Variants in SBNO2 observed in about 807,000 individuals in gnomAD.
SBNO2 encodes the protein protein strawberry notch homolog 2.
In SBNO2, 89 loss-of-function variants were observed where a neutral mutation model predicts 146.3. That is an observed-to-expected ratio of 0.61 (90% CI 0.51 to 0.73). The LOEUF (loss-of-function observed/expected upper bound fraction) is 0.73. Among genes scored for constraint, SBNO2 ranks in the 30% least tolerant of loss-of-function variants. SBNO2 has a pLI of 0.00. For synonymous variants in SBNO2, 1,147 were observed against 892.6 expected (o/e 1.29, Z -5.08); for missense variants, 2,092 against 2,003.7 (o/e 1.04, Z -0.84).
At chr19:1,123,711 C>A in intron 6 of SBNO2, 72 bp from the exon 7 acceptor site, 1 of 1,439,896 alleles carries the variant, frequency 6.9e-7, no homozygotes, top group Non-Finnish European at 9.5e-7. Flanking sequence ...CCCCCAGGGG[C>A]AGGGGCCAGG....
intron 19 of SBNO2, 46 bp downstream of exon 19, chr19:1,113,489 T>C: frequency 7.0e-7 from 1 of 1,437,568 alleles, no homozygotes. Flanking sequence ...CCCCACCCAC[T>C]GCCCATGCCC....
intron 1 of SBNO2, among the ~76,000 whole-genome samples, chr19:1,159,879 C>T: frequency 6.6e-6 from 1 of 151,846 alleles, no homozygotes; most frequent in Admixed American, 6.6e-5. Context: ...AAGGTGCCTG[C>T]CTGAGAGGAC....
At chr19:1,155,000 C>T (rs2145317288) in intron 1 of SBNO2, 1 of 152,444 alleles carries the variant, frequency 6.6e-6, no homozygotes, top group Non-Finnish European at 1.5e-5. Context: ...CCCACACCAT[C>T]AGACGCCAGG....
chr19:1,172,537 C>A (rs922064308), intron 1 of SBNO2, among the ~76,000 whole-genome samples: 5 of 152,172 alleles, frequency 3.3e-5, no homozygotes, highest in Admixed American at 3.3e-4. Context: ...CTTCCAGGGC[C>A]GAGTCAGGGA....
rs1434285343 is a variant in SBNO2 at position 1,123,620 on chromosome 19, T to A, written c.542A>T (p.Gln181Leu). The change falls in exon 7 of 32, where the codon CAG (glutamine) becomes CTG (leucine). Residue 181 changes from glutamine (Q) to leucine (L), a missense_variant. By Grantham distance (113) the Gln-to-Leu change is moderately radical. Transcript: ENST00000361757. ...VSYQEQSVQS[Q>L]PEEEDEAEEE... ...CTCAGCCTCGTCCTCCTCCTCTGGCTGGCTCTGCACACTCTGCTCCTGCGT... is the reference window on the plus strand; with the variant it reads ...CTCAGCCTCGTCCTCCTCCTCTGGCAGGCTCTGCACACTCTGCTCCTGCGT... The A allele has an allele frequency of 6.2e-7, 1 of 1,613,026 alleles. No homozygotes were observed. Among genetic ancestry groups the A allele is most frequent in the Non-Finnish European group, 8.5e-7 (1 of 1,179,688 alleles).
intron 4 of SBNO2, among the ~76,000 whole-genome samples, chr19:1,131,427 ACCTG>A (rs2080027095): frequency 1.6e-5 from 1 of 63,372 alleles, no homozygotes; most frequent in African/African-American, 7.3e-5. Flanking sequence ...AGCTGGGAGG[ACCTG>A]GCTGGGAGGA....
At chr19:1,143,406 A>T (rs564930147) in intron 4 of SBNO2, among the ~76,000 whole-genome samples, 2 of 152,198 alleles carry the variant, frequency 1.3e-5, no homozygotes, top group Non-Finnish European at 2.9e-5. Flanking sequence ...CAGGAGGTGG[A>T]GGCTGCAGTG....
At chr19:1,169,350 C>A (rs1016122826) in intron 1 of SBNO2, among the ~76,000 whole-genome samples, 1 of 152,244 alleles carries the variant, frequency 6.6e-6, no homozygotes, top group African/African-American at 2.4e-5. Flanking sequence ...CAGGCTGAGG[C>A]CTCCGTGGGA....
At position 1,147,289 on chromosome 19, in the gene SBNO2, T is replaced by C. The variant is rs1347845750; in HGVS notation, c.279+20A>G. The stretch of plus-strand genomic sequence containing the variant: ...CTCCACCCTGCCCCCCACGGCGCGG[T>C]GAGCTCCTGGGGCTCCTACCTGAGC... On this transcript the variant is annotated intron_variant, in intron 4 of 31. Transcript: ENST00000361757. 2.4e-5 allele frequency: 37 copies of C among 1,532,884 alleles called. 1 individual carries two copies. The Admixed American group carries it at 6.5e-4, about 27-fold the overall frequency. 95.0% of individuals were successfully genotyped at this position (1,532,884 alleles called of 1,614,324 possible).
At chr19:1,166,019 T>A (rs1354046143) in intron 1 of SBNO2, among the ~76,000 whole-genome samples, 1 of 57,200 alleles carries the variant, frequency 1.7e-5, no homozygotes, top group East Asian at 4.7e-4. Context: ...ATCCCAGACC[T>A]CAGACCCCAG....
chr19:1,132,346 C>T (rs950672135), intron 4 of SBNO2: 2 of 1,248,240 alleles, frequency 1.6e-6, no homozygotes, highest in Non-Finnish European at 2.0e-6. Flanking sequence ...ATGCCGGCCC[C>T]GTAAGTCAGG....
In SBNO2 at chr19:1,109,293, C is replaced by T. The variant is rs201689400; in HGVS notation, c.3347G>A (p.Arg1116Gln). The T allele has an allele frequency of 3.8e-6, 6 of 1,593,660 alleles. No homozygotes were observed. The highest frequency in any genetic ancestry group is 2.7e-5 in the African/African-American group (2 of 74,640). The change falls in exon 29 of 32, where the codon CGG becomes CAG. Residue 1116 changes from arginine (R) to glutamine (Q), a missense_variant and splice_region_variant. Transcript: ENST00000361757. The surrounding 1 kb of genome is among the most constrained non-coding windows in gnomAD (Gnocchi z 4.2). Reference sequence around the variant, plus strand: ...AAGCTGCGCCCGGCGGCCGCCTACCCGGTGGAACTTGCGGCGGAGGCTGTC... The same window carrying T: ...AAGCTGCGCCCGGCGGCCGCCTACCTGGTGGAACTTGCGGCGGAGGCTGTC... ...ALDSLRRKFH[R>Q]VTAEEAKEPW...
At chr19:1,127,089 GA>G (rs2079974175) in intron 5 of SBNO2, among the ~76,000 whole-genome samples, 1 of 149,144 alleles carries the variant, frequency 6.7e-6, no homozygotes, top group South Asian at 2.1e-4. Context: ...CACTAGCGGG[GA>G]CACGGCCACT....
chr19:1,132,912 C>T (rs1446014773), intron 4 of SBNO2, among the ~76,000 whole-genome samples: 3 of 151,998 alleles, frequency 2.0e-5, no homozygotes, highest in African/African-American at 7.2e-5. Flanking sequence ...GGGAAAAGAA[C>T]GTTCTCGCTT....
chr19:1,114,154 C>G, intron 18 of SBNO2, 77 bp downstream of exon 18: 1 of 1,310,322 alleles, frequency 7.6e-7, no homozygotes, highest in Non-Finnish European at 1.0e-6. Flanking sequence ...GGCTGGAATC[C>G]TGACCCAGAG....
At position 1,112,035 on chromosome 19, in the gene SBNO2, C is replaced by T. The variant is rs200406247; in HGVS notation, c.2661G>A (p.Thr887=). ...GALTHGDRRA[T]ESRDLSKYNF... is the part of the protein sequence containing the mutation. ...TGTACTTGCTGAGGTCACGGGACTC[C>T]GTGGCGCGGCGGTCTCCGTGGGTCA... Residue 887 remains threonine (T), a synonymous_variant, in exon 23 of 32, where the codon ACG becomes ACA. Transcript: ENST00000361757. The surrounding 1 kb of genome is among the most constrained non-coding windows in gnomAD (Gnocchi z 5.9). 3.7e-6 allele frequency: 6 copies of T among 1,612,476 alleles called. No homozygotes were observed. The highest frequency in any genetic ancestry group is 2.2e-5 in the East Asian group (1 of 44,866).
intron 9 of SBNO2, 34 bp from the exon 10 acceptor site, chr19:1,122,592 T>TGCCCCCCCCCCCCCCCCAGAAC: frequency 6.9e-7 from 1 of 1,455,730 alleles, no homozygotes; most frequent in Non-Finnish European, 9.2e-7. Flanking sequence ...CGCCCACCCT[T>TGCCCCCCCCCCCCCCCCAGAAC]CCCCCTCGCC....
chr19:1,127,828 T>C, intron 4 of SBNO2, 63 bp from the exon 5 acceptor site: 3 of 1,512,824 alleles, frequency 2.0e-6, no homozygotes, highest in Non-Finnish European at 2.7e-6. Context: ...CTCCACGCAC[T>C]GGAGCACGTG....
At position 1,108,014 on chromosome 19, in the gene SBNO2, C is replaced by A. The variant is rs1326654336; in HGVS notation, c.*206G>T. ...TTGGGAGGAGAGGCACAGAGAGGGCCCTGCCACGCCCCGGCCCCCAGCTGT... is the reference window on the plus strand; with the variant it reads ...TTGGGAGGAGAGGCACAGAGAGGGCACTGCCACGCCCCGGCCCCCAGCTGT... On this transcript the variant is annotated 3_prime_UTR_variant, in exon 32 of 32. Transcript: ENST00000361757. The A allele has an allele frequency of 7.4e-6, 3 of 404,376 alleles. No homozygotes were observed. The highest frequency in any genetic ancestry group is 1.3e-5 in the Non-Finnish European group (3 of 234,280). 25.0% of individuals were successfully genotyped at this position (404,376 alleles called of 1,614,324 possible).
Sources: gnomAD v4.1 joint callset for allele counts (sites outside exome capture counted in the v4.1 genomes callset) on GRCh38, gnomAD v4.1.1 for gene constraint, Gnocchi (gnomAD v3.1) non-coding constraint, MANE v1.5 for transcripts, NCBI Gene and HGNC (gene_info 2026-07-23, HGNC 2026-07-21) for gene names.